The following SPAG4 variants were observed in gnomAD, a reference collection of about 807,000 sequenced individuals.
SPAG4 encodes sperm-associated antigen 4 protein.
SPAG4 carries 54 observed loss-of-function variants against 53.9 expected under a neutral mutation model. The observed-to-expected ratio is 1.00, with a 90% CI of 0.80 to 1.26. SPAG4 has a LOEUF of 1.26. SPAG4 is among the 50% of genes most tolerant of loss of function. The pLI is 0.00. For missense variants in SPAG4, 548 were observed against 568.6 expected, an observed-to-expected ratio of 0.96 and a Z score of 0.37; for synonymous variants, 246 against 237.4, an observed-to-expected ratio of 1.04 and a Z score of -0.33.
At chr20:35,617,337 G>T in intron 2 of SPAG4, 97 bp downstream of exon 2, 1 of 982,358 alleles carries the variant, frequency 1.0e-6, no homozygotes. Flanking sequence ...TGAGTATCGA[G>T]CCCCTCTCCG....
At chr20:35,617,311 GC>G (rs1490212706) in intron 2 of SPAG4, 71 bp downstream of exon 2, 9 of 1,123,250 alleles carry the variant, frequency 8.0e-6, no homozygotes, top group Non-Finnish European at 5.2e-6. Context: ...TTCTCTCTGA[GC>G]CCCCGGCCCC....
rs1396705479 is a variant in SPAG4, at chr20:35,620,676, C to T, written c.1078-8C>T. 3 of 1,157,162 alleles carry T rather than the reference C, an allele frequency of 2.6e-6. No individual in the cohort carries two copies. Among genetic ancestry groups the T allele is most frequent in the Non-Finnish European group, 2.4e-6 (2 of 836,862 alleles). 71.7% of individuals were successfully genotyped at this position (1,157,162 alleles called of 1,614,324 possible). The stretch of plus-strand genomic sequence containing the variant: ...TCATAGTTCCTCCTTTCATTCTTCA[C>T]CCACCAGGGCCTCCAGGTTTATGAT... On this transcript the variant is annotated splice_polypyrimidine_tract_variant and splice_region_variant and intron_variant, in intron 10 of 11. Coordinates refer to ENST00000374273, the MANE Select transcript of SPAG4 (RefSeq NM_003116.3).
rs369273073 is a variant in SPAG4, at chr20:35,618,490, C to A, written c.608+15C>A. The A allele has an allele frequency of 1.2e-6, 2 of 1,613,766 alleles. No homozygotes were observed. Among genetic ancestry groups the A allele is most frequent in the Admixed American group, 1.7e-5 (1 of 60,002 alleles). On this transcript the variant is annotated intron_variant, in intron 6 of 11. Transcript: ENST00000374273. ...CTGACTCTAAGGTGAAAGAGGGCAC[C>A]TAGGGTGGGAAATTGGGGGGCTCAA...
At position 35,615,935 on chromosome 20, in the gene SPAG4, G is replaced by A; in HGVS notation, c.-69G>A. 4 of 1,495,176 alleles carry A rather than the reference G, an allele frequency of 2.7e-6. No homozygotes were observed. The highest frequency in any genetic ancestry group is 1.8e-4 in the Middle Eastern group (1 of 5,584). The allele number at this position is 1,495,176 out of a possible 1,614,324, so 92.6% of individuals were successfully genotyped here. On this transcript the variant is annotated 5_prime_UTR_variant, in exon 1 of 12. Coordinates refer to ENST00000374273, the MANE Select transcript of SPAG4 (RefSeq NM_003116.3). ...GTCCCCGCGGCGCGCAGCGGCTGAA[G>A]GAGGCCCCAGGGCCTTGGCGACCGC...
At position 35,616,266 on chromosome 20, in the gene SPAG4, A is replaced by G. The variant is rs766957969; in HGVS notation, c.263A>G (p.Gln88Arg). 4 of 1,502,254 alleles carry G rather than the reference A, an allele frequency of 2.7e-6. No individual in the cohort carries two copies. Among genetic ancestry groups the G allele is most frequent in the South Asian group, 2.6e-5 (2 of 75,882 alleles). The allele number at this position is 1,502,254 out of a possible 1,614,324, so 93.1% of individuals were successfully genotyped here. The change falls in exon 1 of 12, where the codon CAG (glutamine) becomes CGG (arginine). Residue 88 changes from glutamine to arginine, a missense_variant. By Grantham distance (43) the Gln-to-Arg change is conservative. Coordinates refer to ENST00000374273, the MANE Select transcript of SPAG4 (RefSeq NM_003116.3). ...CCAGCGCCTCGGAGCCACAACTGGC[A>G]GACAGCCTGTGGCGCGGCAACCGTG... Reference protein sequence around the residue: ...QKPAPRSHNWQTACGAATVRG... With the variant: ...QKPAPRSHNWRTACGAATVRG...
intron 7 of SPAG4, 59 bp from the exon 8 acceptor site, chr20:35,618,864 C>A: frequency 6.5e-7 from 1 of 1,533,890 alleles, no homozygotes; most frequent in Non-Finnish European, 9.0e-7. Flanking sequence ...AGGTCCCGTC[C>A]ACCTGTAAAA....
intron 9 of SPAG4, 118 bp downstream of exon 9, chr20:35,619,428 CAAG>C: frequency 7.2e-7 from 1 of 1,381,096 alleles, no homozygotes; most frequent in East Asian, 2.3e-5. Flanking sequence ...GCGTTTAACT[CAAG>C]GAGAGACCTG....
chr20:35,618,803 G>A, intron 7 of SPAG4, 83 bp downstream of exon 7: 1 of 1,435,912 alleles, frequency 7.0e-7, no homozygotes, highest in Non-Finnish European at 9.7e-7. Flanking sequence ...AGAGCCCTGC[G>A]GGATTTCTCC....
Position 35,621,073 on chromosome 20 carries a change from A to C in SPAG4, c.*51A>C. 6.3e-7 allele frequency: 1 copy of C among 1,591,434 alleles called. No individual in the cohort carries two copies. The highest frequency in any genetic ancestry group is 8.6e-7 in the Non-Finnish European group (1 of 1,161,860). ...GAGTTCTGCTGAAGGATACTGGATC[A>C]GTGCTTTCGGGGGCTCTGTTGGGAG... is the stretch of plus-strand genomic sequence containing the variant. On this transcript the variant is annotated 3_prime_UTR_variant, in exon 12 of 12. Transcript: ENST00000374273.
At position 35,617,187 on chromosome 20, in the gene SPAG4, C is replaced by T. The variant is rs1026657809; in HGVS notation, c.356C>T (p.Thr119Ile). Reference protein sequence around the residue: ...VSEEPLDLLPTLDLRQEMPPP... With the variant: ...VSEEPLDLLPILDLRQEMPPP... ...GAGGAGCCGCTCGACCTTCTCCCGA[C>T]CCTGGATCTGAGGCAGGAGATGCCT... The change falls in exon 2 of 12, where the codon ACC becomes ATC. Residue 119 changes from threonine to isoleucine, a missense_variant. Physicochemically the swap from Thr to Ile is moderately conservative, Grantham distance 89. Coordinates refer to ENST00000374273, the MANE Select transcript of SPAG4 (RefSeq NM_003116.3). The T allele has an allele frequency of 6.2e-7, 1 of 1,602,188 alleles. No individual in the cohort carries two copies. Among genetic ancestry groups the T allele is most frequent in the South Asian group, 1.1e-5 (1 of 88,776 alleles).
At chr20:35,616,681 A>G (rs1283044231) in intron 1 of SPAG4, among the ~76,000 whole-genome samples, 2 of 144,178 alleles carry the variant, frequency 1.4e-5, no homozygotes, top group East Asian at 4.1e-4. Flanking sequence ...TGCCCATGCC[A>G]TGCAATGGCA....
At position 35,617,588 on chromosome 20, in the gene SPAG4, T is replaced by A. The variant is rs1642240213; in HGVS notation, c.476+2T>A. 6.2e-7 allele frequency: 1 copy of A among 1,608,088 alleles called. No individual in the cohort carries two copies. The highest frequency in any genetic ancestry group is 1.7e-5 in the Admixed American group (1 of 58,868). On this transcript the variant is annotated splice_donor_variant, in intron 3 of 11. Transcript: ENST00000374273. LOFTEE classifies it high-confidence loss of function. ...AGACGTGCTGGTCAGCATGTACAGG[T>A]CAGAGGAAGGGACGCTGGCGCCCCA...
At chr20:35,619,888 GT>G in intron 10 of SPAG4, 142 bp downstream of exon 10, 1 of 849,786 alleles carries the variant, frequency 1.2e-6, no homozygotes, top group Admixed American at 2.8e-5. Context: ...GCTGCTGTAG[GT>G]TATAGTCATA....
chr20:35,617,573 G>C lies in SPAG4; in HGVS notation c.463G>C (p.Val155Leu). The part of the protein sequence containing the change: ...VLLSLAGDVL[V>L]SMYREVCSIR... ...GTTATCCCTGGCAGGAGACGTGCTG[G>C]TCAGCATGTACAGGTCAGAGGAAGG... is the stretch of plus-strand genomic sequence containing the variant. The change falls in exon 3 of 12, where the codon GTC (valine) becomes CTC (leucine). Residue 155 changes from valine (V) to leucine (L), a missense_variant. Coordinates refer to ENST00000374273, the MANE Select transcript of SPAG4 (RefSeq NM_003116.3). 1.2e-6 allele frequency: 2 copies of C among 1,607,072 alleles called. No individual in the cohort carries two copies. The highest frequency in any genetic ancestry group is 1.7e-6 in the Non-Finnish European group (2 of 1,176,520).
rs2031436523 is a variant in SPAG4, at chr20:35,617,763, C to T, written c.477-16C>T. ...GTTGAGCAGGTCGGGGCCTCAGCCTCCCTCCGGTTCCCCAGGGAGGTCTGT... is the reference window on the plus strand; with the variant it reads ...GTTGAGCAGGTCGGGGCCTCAGCCTTCCTCCGGTTCCCCAGGGAGGTCTGT... On this transcript the variant is annotated splice_polypyrimidine_tract_variant and intron_variant, in intron 3 of 11. Transcript: ENST00000374273. 4 of 1,613,674 alleles carry T rather than the reference C, an allele frequency of 2.5e-6. No individual in the cohort carries two copies. The African/African-American group carries it at 4.0e-5, about 16-fold the overall frequency.
At chr20:35,620,521 G>T (rs1321608398) in intron 10 of SPAG4, 163 bp from the exon 11 acceptor site, 1 of 577,600 alleles carries the variant, frequency 1.7e-6, no homozygotes, top group Non-Finnish European at 3.1e-6. Context: ...TGGTTTCTTA[G>T]AGCCCACATT....
rs1173930121 is a variant in SPAG4, at chr20:35,621,038, GAGT to G, written c.*19_*21del. 5 of 1,610,794 alleles carry G rather than the reference GAGT, an allele frequency of 3.1e-6. No homozygotes were observed. The highest frequency in any genetic ancestry group is 4.2e-6 in the Non-Finnish European group (5 of 1,177,320). On this transcript the variant is annotated 3_prime_UTR_variant, in exon 12 of 12. Coordinates refer to ENST00000374273, the MANE Select transcript of SPAG4 (RefSeq NM_003116.3). ...GCCCCATTAAACATGCTGATTTTTG[GAGT>G]AGAATTGAGTTCTGCTGAAGGATAC...
In SPAG4 at chr20:35,616,464, G is replaced by A. The variant is rs1266373352; in HGVS notation, c.304+157G>A. ...TGCTAAATGAGATCCCTTAAGGGGC[G>A]GAGCCTCGGTGTCCTGGACGGTTAT... On this transcript the variant is annotated intron_variant, in intron 1 of 11. Coordinates refer to ENST00000374273, the MANE Select transcript of SPAG4 (RefSeq NM_003116.3). 3.0e-5 allele frequency: 25 copies of A among 833,402 alleles called. No homozygotes were observed. In the African/African-American group the frequency reaches 4.6e-4, roughly 15 times the overall value. 51.6% of individuals were successfully genotyped at this position (833,402 alleles called of 1,614,324 possible). A position where few individuals can be genotyped will look rare whatever the true frequency, so the allele number is the denominator to read the frequency against.
At position 35,620,764 on chromosome 20, in the gene SPAG4, C is replaced by A; in HGVS notation, c.1158C>A (p.Phe386Leu). ...TTGAGAAATCGGAGATTCAGACTTT[C>A]CACCTGCAGGTGTGTTTGTCTCTAG... ...FDVEKSEIQTFHLQNDPPAAF... is the reference protein window; with the variant it reads ...FDVEKSEIQTLHLQNDPPAAF... Residue 386 changes from phenylalanine (F) to leucine (L), a missense_variant, in exon 11 of 12, where the codon TTC becomes TTA. Phe to Leu is a conservative substitution (Grantham distance 22). Coordinates refer to ENST00000374273, the MANE Select transcript of SPAG4 (RefSeq NM_003116.3). 1 of 1,613,774 alleles carries A rather than the reference C, an allele frequency of 6.2e-7. No individual in the cohort carries two copies. Among genetic ancestry groups the A allele is most frequent in the African/African-American group, 1.3e-5 (1 of 74,930 alleles).
Sources: gnomAD v4.1 joint callset for allele counts (sites outside exome capture counted in the v4.1 genomes callset) on GRCh38, gnomAD v4.1.1 for gene constraint, MANE v1.5 for transcripts, NCBI Gene and HGNC (gene_info 2026-07-23, HGNC 2026-07-21) for gene names.